GSE1: variants seen among roughly 807,000 people sequenced by gnomAD.
The protein encoded by GSE1 is Gse1 coiled-coil protein.
In GSE1, 32 loss-of-function variants were observed where a neutral mutation model predicts 112.6. That is an observed-to-expected ratio of 0.28 (90% confidence interval 0.21 to 0.38). The LOEUF (loss-of-function observed/expected upper bound fraction) is 0.38. GSE1 is among the 10% of genes least tolerant of loss of function. The probability of loss-of-function intolerance (pLI) is 1.00; values close to 1 mark genes in which losing one functional copy is unlikely to be tolerated. For synonymous variants in GSE1, 1,115 were observed against 735.6 expected (o/e 1.52, Z -8.35); for missense variants, 2,348 against 1,699.2 (o/e 1.38, Z -6.71).
chr16:85,238,591 G>A (rs1283528967), intron 1 of GSE1, among the ~76,000 whole-genome samples: 4 of 152,186 alleles, frequency 2.6e-5, no homozygotes, highest in Admixed American at 6.5e-5. Context: ...CACTGGGGCC[G>A]CCAGCCTCTG....
intron 1 of GSE1, among the ~76,000 whole-genome samples, chr16:85,297,200 C>T (rs1396638033): frequency 1.3e-5 from 2 of 152,236 alleles, no homozygotes; most frequent in Admixed American, 1.3e-4. Context: ...CTCCAGAGGG[C>T]GCACTGGAGT....
At chr16:85,354,181 C>A (rs2046904620) in intron 1 of GSE1, among the ~76,000 whole-genome samples, 1 of 152,212 alleles carries the variant, frequency 6.6e-6, no homozygotes, top group African/African-American at 2.4e-5. Context: ...CTCCCATCTC[C>A]CCCGGTGGTA....
chr16:85,496,751 C>A (rs1163371088), intron 2 of GSE1, among the ~76,000 whole-genome samples: 1 of 152,188 alleles, frequency 6.6e-6, no homozygotes, highest in African/African-American at 2.4e-5. Flanking sequence ...GAGGGAGGGG[C>A]AGGAGCAGAG....
At chr16:85,580,801 TC>T (rs1338140308) in intron 1 of GSE1, among the ~76,000 whole-genome samples, 8 of 152,194 alleles carry the variant, frequency 5.3e-5, no homozygotes, top group African/African-American at 9.7e-5. Context: ...GAGTGCGCTG[TC>T]TCCGTCACGT....
chr16:85,179,221 C>T (rs530445338), intron 1 of GSE1, among the ~76,000 whole-genome samples: 3 of 152,228 alleles, frequency 2.0e-5, no homozygotes, highest in African/African-American at 4.8e-5. Context: ...TGGATCTGCC[C>T]GTTCTGGTCG....
chr16:85,485,949 G>T (rs1020602996), intron 2 of GSE1, among the ~76,000 whole-genome samples: 6 of 152,344 alleles, frequency 3.9e-5, no homozygotes, highest in Non-Finnish European at 7.4e-5. Flanking sequence ...CCATGAGCCT[G>T]CACTGGCCGC....
chr16:85,534,539 T>C (rs551562275), intron 2 of GSE1, among the ~76,000 whole-genome samples: 38 of 152,352 alleles, frequency 2.5e-4, no homozygotes, highest in African/African-American at 8.7e-4. Context: ...CCCTCCAGCC[T>C]GTGGCAACCA....
At position 85,269,896 on chromosome 16, in the gene GSE1, C is replaced by T. The variant is rs545289763; in HGVS notation, c.2284-87567C>T. On this transcript the variant is annotated intron_variant, in intron 1 of 2. Transcript: ENST00000637419. ...GACCAAGCAGCACCCGAGGCAGCGC[C>T]GACATGTAGCTGCGTTCTGTGGACG... 9.4e-5 allele frequency among the ~76,000 whole-genome samples: 14 copies of T among 149,658 alleles called. No individual in the cohort carries two copies. The South Asian group carries it at 2.1e-3, about 22-fold the overall frequency.
intron 1 of GSE1, among the ~76,000 whole-genome samples, chr16:85,208,752 T>C (rs1025954569): frequency 4.8e-5 from 7 of 145,376 alleles, no homozygotes; most frequent in African/African-American, 1.0e-4. Context: ...CGCTCTAGAT[T>C]AGCGGATGGG....
intron 2 of GSE1, among the ~76,000 whole-genome samples, chr16:85,443,248 C>T (rs2049424915): frequency 6.6e-6 from 1 of 152,334 alleles, no homozygotes; most frequent in Non-Finnish European, 1.5e-5. Context: ...CTCAGCACAC[C>T]ATGGCCCGCC....
intron 1 of GSE1, among the ~76,000 whole-genome samples, chr16:85,350,848 C>T (rs1035809626): frequency 4.6e-5 from 7 of 152,324 alleles, no homozygotes; most frequent in Admixed American, 1.3e-4. Context: ...GCAATGATCT[C>T]AGCCCCCTGC....
chr16:85,521,663 C>G (rs2052190050), intron 2 of GSE1, among the ~76,000 whole-genome samples: 1 of 152,258 alleles, frequency 6.6e-6, no homozygotes. Flanking sequence ...CCCTGTCCCT[C>G]TGCATCTGAG....
intron 1 of GSE1, among the ~76,000 whole-genome samples, chr16:85,177,856 C>G (rs1567590315): frequency 1.3e-5 from 2 of 152,178 alleles, no homozygotes; most frequent in African/African-American, 2.4e-5. Context: ...CAACGCTATA[C>G]CCTGGCAGTG....
intron 2 of GSE1, among the ~76,000 whole-genome samples, chr16:85,376,250 C>T (rs138514190): frequency 0.011 from 1,650 of 152,350 alleles, 14 homozygotes; most frequent in Non-Finnish European, 0.017. Flanking sequence ...CCCACAGGCA[C>T]ATCTGAGCCT....
At chr16:85,637,309 G>A (rs952313435) in intron 2 of GSE1, among the ~76,000 whole-genome samples, 3 of 152,200 alleles carry the variant, frequency 2.0e-5, no homozygotes, top group Admixed American at 2.0e-4. Flanking sequence ...GTCCTTGTGG[G>A]CCATCTGCGG....
At chr16:85,252,203 G>A (rs895176598) in intron 1 of GSE1, among the ~76,000 whole-genome samples, 1 of 152,164 alleles carries the variant, frequency 6.6e-6, no homozygotes, top group Admixed American at 6.5e-5. Flanking sequence ...GTGGTCACCC[G>A]GCCTGGCTCC....
rs531474138 is a variant in GSE1 at position 85,311,665 on chromosome 16, G to A, written c.2284-45798G>A. On this transcript the variant is annotated intron_variant, in intron 1 of 2. Coordinates refer to the GSE1 transcript ENST00000637419. This position sits in a 1 kb window ranked among gnomAD's most constrained non-coding sequence, Gnocchi z 4.2. The stretch of plus-strand genomic sequence containing the variant: ...CTTGGGCTGTGTACCTGGGCCTGGT[G>A]GCTCTGTCTGTGGCTCTCTTGGGGC... Among the ~76,000 whole-genome samples, 12 of 152,278 alleles carry A rather than the reference G, an allele frequency of 7.9e-5. No homozygotes were observed. In the East Asian group the frequency reaches 2.1e-3, roughly 27 times the overall value.
chr16:85,603,250 C>T (rs1240837280), intron 1 of GSE1, among the ~76,000 whole-genome samples: 1 of 152,200 alleles, frequency 6.6e-6, no homozygotes, highest in African/African-American at 2.4e-5. Context: ...GAGCTTGGGT[C>T]CACAGAGAGG....
intron 2 of GSE1, among the ~76,000 whole-genome samples, chr16:85,379,880 C>T (rs964212857): frequency 6.6e-6 from 1 of 152,212 alleles, no homozygotes; most frequent in Admixed American, 6.5e-5. Context: ...TTTGCTGGTT[C>T]TAAGACGTAG....
Sources: allele counts gnomAD v4.1 joint callset (sites outside exome capture counted in the v4.1 genomes callset), GRCh38; gene constraint gnomAD v4.1.1; non-coding constraint Gnocchi (gnomAD v3.1); transcripts MANE v1.5; gene names NCBI Gene and HGNC (gene_info 2026-07-23, HGNC 2026-07-21).